The following DOCK1 variants were observed in gnomAD, a reference collection of about 807,000 sequenced individuals.
DOCK1 encodes the protein dedicator of cytokinesis protein 1.
DOCK1 carries 138 observed loss-of-function variants against 262.7 expected under a neutral mutation model. The ratio of observed to expected loss-of-function variants is 0.53; its 90% CI spans 0.46 to 0.61. The LOEUF (loss-of-function observed/expected upper bound fraction) is 0.61, where lower values mean the gene tolerates loss of function less well. Ranked by LOEUF, DOCK1 falls within the 20% of genes least tolerant of loss-of-function variation. DOCK1 has a pLI of 0.00. For synonymous variants in DOCK1, 866 were observed against 867.4 expected (o/e 1.00, Z 0.03); for missense variants, 1,908 against 2,370.7 (o/e 0.80, Z 4.05).
At chr10:127,272,810 C>G (rs1410374952) in intron 29 of DOCK1, among the ~76,000 whole-genome samples, 1 of 152,204 alleles carries the variant, frequency 6.6e-6, no homozygotes, top group African/African-American at 2.4e-5. Flanking sequence ...GGGCATGTCT[C>G]ACACGGTGGC....
At chr10:127,262,616 ACTGT>A (rs889307790) in intron 29 of DOCK1, among the ~76,000 whole-genome samples, 2 of 152,136 alleles carry the variant, frequency 1.3e-5, no homozygotes, top group African/African-American at 4.8e-5. Flanking sequence ...GATACTTGAA[ACTGT>A]CTGGAGACAG....
intron 14 of DOCK1, among the ~76,000 whole-genome samples, chr10:127,024,352 C>T (rs918389623): frequency 7.9e-5 from 12 of 152,178 alleles, no homozygotes; most frequent in African/African-American, 2.2e-4. Flanking sequence ...TTTTAGTCTA[C>T]AGTCCCTCAC....
intron 1 of DOCK1, among the ~76,000 whole-genome samples, chr10:126,908,367 A>G (rs1197793702): frequency 6.6e-6 from 1 of 152,190 alleles, no homozygotes; most frequent in Non-Finnish European, 1.5e-5. Context: ...TCGGAGCTTA[A>G]CAACAGGGCT....
At chr10:127,130,342 T>A (rs546320855) in intron 27 of DOCK1, among the ~76,000 whole-genome samples, 1 of 152,186 alleles carries the variant, frequency 6.6e-6, no homozygotes, top group African/African-American at 2.4e-5. Context: ...CGCTTCGGCC[T>A]CCCAAAGTGC....
intron 29 of DOCK1, among the ~76,000 whole-genome samples, chr10:127,292,686 T>C (rs1346755332): frequency 3.3e-5 from 5 of 152,200 alleles, no homozygotes; most frequent in African/African-American, 4.8e-5. Context: ...TCCTGCTGAT[T>C]GATTCAAGGT....
At chr10:127,228,208 A>G (rs2058711728) in intron 27 of DOCK1, among the ~76,000 whole-genome samples, 1 of 152,152 alleles carries the variant, frequency 6.6e-6, no homozygotes, top group South Asian at 2.1e-4. Flanking sequence ...TTTCCTTATG[A>G]GGGAATTATG....
At chr10:127,145,425 G>A (rs1592211463) in intron 27 of DOCK1, among the ~76,000 whole-genome samples, 1 of 152,218 alleles carries the variant, frequency 6.6e-6, no homozygotes, top group East Asian at 1.9e-4. Context: ...CTGAGACGTA[G>A]CCTGCAGAAC....
intron 15 of DOCK1, among the ~76,000 whole-genome samples, chr10:127,025,675 C>T (rs1398553912): frequency 6.6e-6 from 1 of 152,014 alleles, no homozygotes; most frequent in Non-Finnish European, 1.5e-5. Flanking sequence ...GTCTCGAACT[C>T]CTGACCTCAA....
intron 24 of DOCK1, among the ~76,000 whole-genome samples, chr10:127,107,238 C>A (rs901573992): frequency 2.6e-5 from 4 of 151,938 alleles, no homozygotes; most frequent in Admixed American, 2.0e-4. Flanking sequence ...CCATTTTTTA[C>A]CGGCCAATGA....
chr10:126,961,095 T>C (rs1237586635), intron 1 of DOCK1, among the ~76,000 whole-genome samples: 2 of 152,184 alleles, frequency 1.3e-5, no homozygotes, highest in Non-Finnish European at 2.9e-5. Flanking sequence ...TAACAAATGA[T>C]GGTTCCTCTG....
intron 1 of DOCK1, among the ~76,000 whole-genome samples, chr10:126,939,652 C>A (rs1043538777): frequency 1.3e-5 from 2 of 152,140 alleles, no homozygotes; most frequent in Non-Finnish European, 2.9e-5. Context: ...TGAGCCACCG[C>A]GCCTGACCCA....
At chr10:127,179,049 T>C (rs1051050902) in intron 27 of DOCK1, among the ~76,000 whole-genome samples, 27 of 152,154 alleles carry the variant, frequency 1.8e-4, no homozygotes, top group African/African-American at 6.5e-4. Context: ...CTAGGGAAAA[T>C]TTGAAAGAGA....
chr10:127,141,812 A>T (rs1425427185), intron 27 of DOCK1, among the ~76,000 whole-genome samples: 4 of 152,172 alleles, frequency 2.6e-5, no homozygotes, highest in Non-Finnish European at 4.4e-5. Context: ...ACAGACAAAT[A>T]GGGCTCTGCC....
intron 27 of DOCK1, among the ~76,000 whole-genome samples, chr10:127,236,352 T>A (rs1564924333): frequency 1.9e-5 from 2 of 105,822 alleles, no homozygotes; most frequent in Non-Finnish European, 3.5e-5. Context: ...CCTCCTTCCC[T>A]CTCTCCTTCC....
intron 27 of DOCK1, among the ~76,000 whole-genome samples, chr10:127,196,790 C>G (rs1342637582): frequency 1.3e-5 from 2 of 151,492 alleles, no homozygotes; most frequent in East Asian, 2.0e-4. Context: ...GCGCGGGGCT[C>G]CGCCACAGCG....
Position 127,031,702 on chromosome 10 carries a change from A to G in DOCK1, c.1677A>G (p.Arg559=). The stretch of plus-strand genomic sequence containing the variant: ...CACTAGCATTTGTCAAGCTGATGAG[A>G]TACGATGGTACCACCCTGCGAGACG... ...IFALAFVKLM[R]YDGTTLRDGE... Residue 559 remains arginine, a synonymous_variant, in exon 17 of 52, where the codon AGA becomes AGG. Transcript: ENST00000623213. The G allele has an allele frequency of 2.5e-6, 4 of 1,613,364 alleles. No homozygotes were observed. The highest frequency in any genetic ancestry group is 3.4e-6 in the Non-Finnish European group (4 of 1,179,854).
chr10:127,277,351 C>G (rs1462022097), intron 29 of DOCK1, among the ~76,000 whole-genome samples: 5 of 152,156 alleles, frequency 3.3e-5, no homozygotes, highest in African/African-American at 1.2e-4. Flanking sequence ...TTTCACAAAG[C>G]ATGTGCATTT....
chr10:127,106,395 A>C, intron 24 of DOCK1, 94 bp downstream of exon 24: 1 of 1,286,924 alleles, frequency 7.8e-7, no homozygotes, highest in South Asian at 1.4e-5. Context: ...GTTCTGCCTC[A>C]TGTCTCCATA....
At chr10:127,306,838 G>A (rs2061895471) in intron 29 of DOCK1, among the ~76,000 whole-genome samples, 1 of 152,154 alleles carries the variant, frequency 6.6e-6, no homozygotes, top group African/African-American at 2.4e-5. Context: ...GAATCTGAAA[G>A]TCTTGATTTC....
Sources: gnomAD v4.1 joint callset for allele counts (sites outside exome capture counted in the v4.1 genomes callset) on GRCh38, gnomAD v4.1.1 for gene constraint, MANE v1.5 for transcripts, NCBI Gene and HGNC (gene_info 2026-07-23, HGNC 2026-07-21) for gene names.